The following OBP2B variants were observed in gnomAD, a reference collection of about 807,000 sequenced individuals.
The protein encoded by OBP2B is odorant-binding protein 2b.
A neutral mutation model predicts 21.7 loss-of-function variants in OBP2B; 10 were observed. The observed-to-expected ratio is 0.46, with a 90% confidence interval of 0.28 to 0.78. The LOEUF (loss-of-function observed/expected upper bound fraction) is 0.78, where lower values mean the gene tolerates loss of function less well. Ranked by LOEUF, OBP2B falls within the 30% of genes least tolerant of loss-of-function variation. The pLI is 0.11. For synonymous variants in OBP2B, 73 were observed against 91.5 expected (o/e 0.80, Z 1.16); for missense variants, 153 against 217.7 (o/e 0.70, Z 1.87).
chr9:133,205,506 C>G (rs1442672912), intron 6 of OBP2B, 95 bp from the exon 7 acceptor site: 2 of 885,174 alleles, frequency 2.3e-6, no homozygotes, highest in Non-Finnish European at 3.4e-6. Flanking sequence ...GCCCCCACAT[C>G]GGCCACTGCT....
chr9:133,218,827 GAGAT>G, the OBP2B span, among the ~76,000 whole-genome samples: 1 of 152,190 alleles, frequency 6.6e-6, no homozygotes, highest in Non-Finnish European at 1.5e-5. Context: ...GACAAGGAAA[GAGAT>G]AGGAGAGCCC....
At chr9:133,222,970 A>G in the OBP2B span, among the ~76,000 whole-genome samples, 2 of 152,156 alleles carry the variant, frequency 1.3e-5, no homozygotes, top group East Asian at 3.9e-4. Context: ...TCCCCTGCAC[A>G]AAGTGGCATG....
chr9:133,206,845 C>T (rs1288466370), intron 4 of OBP2B, among the ~76,000 whole-genome samples: 6 of 151,952 alleles, frequency 3.9e-5, no homozygotes, highest in African/African-American at 1.5e-4. Flanking sequence ...TGCCACCCTG[C>T]AGGGTCACAG....
chr9:133,206,619 A>G (rs1833723953), intron 4 of OBP2B: 9 of 645,196 alleles, frequency 1.4e-5, no homozygotes, highest in Admixed American at 8.7e-5. Flanking sequence ...CCAAGAGTGG[A>G]CCAGAGCTCT....
intron 3 of OBP2B, chr9:133,207,817 C>T: frequency 1.4e-6 from 2 of 1,433,194 alleles, no homozygotes; most frequent in Non-Finnish European, 1.9e-6. Context: ...CTTCCCCATC[C>T]CTAACCCTCA....
rs1383771444 is a variant in OBP2B, at chr9:133,208,172, G to A, written c.238C>T (p.Leu80=). Residue 80 remains leucine, a synonymous_variant, in exon 3 of 7, where the codon CTG becomes TTG. Coordinates refer to ENST00000372034, the MANE Select transcript of OBP2B (RefSeq NM_014581.4). ...REDRCIQKKI[L]MRKTEEPGKY... ...CCAGGCTCCTCCGTCTTCCGCATCA[G>A]GATTTTCTTCTGGATGCACCTATCC... The A allele has an allele frequency of 6.2e-7, 1 of 1,611,792 alleles. No individual in the cohort carries two copies. Among genetic ancestry groups the A allele is most frequent in the South Asian group, 1.1e-5 (1 of 90,976 alleles).
chr9:133,206,183 G>A, intron 5 of OBP2B, 132 bp downstream of exon 5: 2 of 1,174,056 alleles, frequency 1.7e-6, no homozygotes, highest in Non-Finnish European at 2.5e-6. Flanking sequence ...CAGGGCCCGG[G>A]AGCCCCTGCG....
upstream of OBP2B, among the ~76,000 whole-genome samples, chr9:133,211,503 C>T (rs1462350388): frequency 1.3e-5 from 2 of 152,204 alleles, no homozygotes; most frequent in East Asian, 3.9e-4. Context: ...GTGCCTGCAC[C>T]TTTTCTTCTG....
At chr9:133,222,783 C>A in the OBP2B span, among the ~76,000 whole-genome samples, 1 of 152,046 alleles carries the variant, frequency 6.6e-6, no homozygotes. Context: ...AGAAATGTGA[C>A]CTTCAGGAAG....
chr9:133,213,346 C>A (rs535393542), upstream of OBP2B, among the ~76,000 whole-genome samples: 74 of 152,262 alleles, frequency 4.9e-4, no homozygotes, highest in South Asian at 0.015. Flanking sequence ...AATCAACTAT[C>A]TAAGCTCCCA....
upstream of OBP2B, among the ~76,000 whole-genome samples, chr9:133,209,979 C>T (rs1208013674): frequency 2.6e-5 from 4 of 152,202 alleles, no homozygotes; most frequent in Non-Finnish European, 5.9e-5. The surrounding 1 kb of genome is among the most constrained non-coding windows in gnomAD (Gnocchi z 6.0). Context: ...ATTCATCGAC[C>T]ATCTCCCTGT....
At chr9:133,207,120 G>T (rs1833747202) in intron 4 of OBP2B, 106 bp downstream of exon 4, 1 of 800,754 alleles carries the variant, frequency 1.2e-6, no homozygotes. Context: ...AGCCGGCACA[G>T]GGGGCTTCCT....
rs1231392052 is a variant in OBP2B at position 133,209,053 on chromosome 9, A to G, written c.72+75T>C. 6.3e-7 allele frequency: 1 copy of G among 1,583,546 alleles called. No homozygotes were observed. Among genetic ancestry groups the G allele is most frequent in the African/African-American group, 1.3e-5 (1 of 74,106 alleles). On this transcript the variant is annotated intron_variant, in intron 1 of 6. Transcript: ENST00000372034. The surrounding 1 kb of genome is among the most constrained non-coding windows in gnomAD (Gnocchi z 6.0). ...GCCAGCCTTCAGTGACACCTCCTAAAGCAGGGCCCCTGGCACTGCCCCCTG... is the reference window on the plus strand; with the variant it reads ...GCCAGCCTTCAGTGACACCTCCTAAGGCAGGGCCCCTGGCACTGCCCCCTG...
upstream of OBP2B, among the ~76,000 whole-genome samples, chr9:133,211,258 C>T (rs576025349): frequency 1.3e-5 from 2 of 152,352 alleles, no homozygotes; most frequent in South Asian, 2.1e-4. Context: ...GCAAGACCAA[C>T]TGCACAGTAG....
chr9:133,221,992 GT>G, the OBP2B span, among the ~76,000 whole-genome samples: 1 of 152,118 alleles, frequency 6.6e-6, no homozygotes, highest in Admixed American at 6.5e-5. Flanking sequence ...CCTCCTTTGC[GT>G]GAGGAGATGA....
chr9:133,219,738 T>C, the OBP2B span, among the ~76,000 whole-genome samples: 85 of 152,302 alleles, frequency 5.6e-4, 1 homozygote, highest in South Asian at 0.015. Flanking sequence ...CATAGAATTA[T>C]TTAATACCAT....
At chr9:133,213,748 T>G (rs754498885), upstream of OBP2B, among the ~76,000 whole-genome samples, 2 of 152,194 alleles carry the variant, frequency 1.3e-5, no homozygotes, top group South Asian at 2.1e-4. Context: ...ATAGATAACT[T>G]TAATAGCTCT....
At chr9:133,213,312 A>C (rs1448992989), upstream of OBP2B, among the ~76,000 whole-genome samples, 39 of 152,224 alleles carry the variant, frequency 2.6e-4, no homozygotes, top group Admixed American at 2.6e-3. Context: ...CATTAAATGC[A>C]TATATTAGAA....
At chr9:133,216,079 G>A in the OBP2B span, among the ~76,000 whole-genome samples, 1 of 152,056 alleles carries the variant, frequency 6.6e-6, no homozygotes, top group Non-Finnish European at 1.5e-5. Context: ...AGGAAAAATT[G>A]TTAAAATAGA....
Sources: allele counts gnomAD v4.1 joint callset (sites outside exome capture counted in the v4.1 genomes callset), GRCh38; gene constraint gnomAD v4.1.1; non-coding constraint Gnocchi (gnomAD v3.1); transcripts MANE v1.5; gene names NCBI Gene and HGNC (gene_info 2026-07-23, HGNC 2026-07-21).